The following DAB2IP variants were observed in gnomAD, a reference collection of about 807,000 sequenced individuals.
DAB2IP encodes the protein disabled homolog 2-interacting protein.
A neutral mutation model predicts 107.2 loss-of-function variants in DAB2IP; 28 were observed. The ratio of observed to expected loss-of-function variants is 0.26; its 90% CI spans 0.19 to 0.36. The LOEUF (loss-of-function observed/expected upper bound fraction) is 0.36. Ranked by LOEUF, DAB2IP falls within the 10% of genes least tolerant of loss-of-function variation. DAB2IP has a pLI of 1.00. For missense variants in DAB2IP, 1,400 were observed against 1,644.7 expected, an observed-to-expected ratio of 0.85 and a Z score of 2.57; for synonymous variants, 755 against 706.4, an observed-to-expected ratio of 1.07 and a Z score of -1.09.
At chr9:121,591,465 G>A (rs1427417345) in intron 1 of DAB2IP, among the ~76,000 whole-genome samples, 1 of 152,158 alleles carries the variant, frequency 6.6e-6, no homozygotes, top group African/African-American at 2.4e-5. Context: ...GTGAGACTCT[G>A]TTCTCCTGCC....
At chr9:121,655,280 G>A (rs780103383) in intron 1 of DAB2IP, among the ~76,000 whole-genome samples, 19 of 152,152 alleles carry the variant, frequency 1.2e-4, no homozygotes, top group Non-Finnish European at 2.1e-4. Context: ...GGTATCATCA[G>A]CAAGGTGCCT....
chr9:121,711,015 G>A (rs1830313617), intron 3 of DAB2IP, among the ~76,000 whole-genome samples: 1 of 152,176 alleles, frequency 6.6e-6, no homozygotes, highest in Admixed American at 6.5e-5. Flanking sequence ...CGAATTTGAT[G>A]GTTGTTTATG....
chr9:121,725,164 C>CGCGCGTGTGTATGTGTGTGT (rs1219469627), intron 3 of DAB2IP, among the ~76,000 whole-genome samples: 2 of 152,058 alleles, frequency 1.3e-5, no homozygotes, highest in Non-Finnish European at 2.9e-5. Context: ...AGTGTGTGTG[C>CGCGCGTGTGTATGTGTGTGT]GCGCGTGTGT....
At chr9:121,644,205 A>G (rs201622035) in intron 1 of DAB2IP, among the ~76,000 whole-genome samples, 1 of 149,596 alleles carries the variant, frequency 6.7e-6, no homozygotes, top group African/African-American at 2.5e-5. Context: ...AAGAAGAGGA[A>G]GAAGAGGAAG....
chr9:121,764,708 C>T (rs977002374), intron 8 of DAB2IP, among the ~76,000 whole-genome samples: 1 of 152,200 alleles, frequency 6.6e-6, no homozygotes, highest in Admixed American at 6.5e-5. Flanking sequence ...CCTCCGTCCA[C>T]AGCCTGTTCT....
At chr9:121,663,612 G>A (rs1833296511) in intron 1 of DAB2IP, among the ~76,000 whole-genome samples, 2 of 152,194 alleles carry the variant, frequency 1.3e-5, no homozygotes, top group African/African-American at 2.4e-5. Context: ...ATTGGAACTC[G>A]ATCCCAGTTC....
intron 1 of DAB2IP, among the ~76,000 whole-genome samples, chr9:121,577,546 T>C (rs1830093883): frequency 6.6e-6 from 1 of 152,170 alleles, no homozygotes; most frequent in Non-Finnish European, 1.5e-5. Flanking sequence ...ACACTCCTGC[T>C]CTGGGGTTCC....
chr9:121,772,810 C>T lies in DAB2IP; in HGVS notation c.2282C>T (p.Ala761Val). 6.2e-7 allele frequency: 1 copy of T among 1,610,518 alleles called. No homozygotes were observed. The highest frequency in any genetic ancestry group is 8.5e-7 in the Non-Finnish European group (1 of 1,179,074). ...GACGCCCGCACGCTGGATGGGGAGG[C>T]AGGCTCCCCGGCGGGCCCCGACGTC... is the stretch of plus-strand genomic sequence containing the variant. Residue 761 changes from alanine (A) to valine (V), a missense_variant, in exon 12 of 16, where the codon GCA (alanine) becomes GTA (valine). Coordinates refer to ENST00000408936, the Ensembl canonical transcript of DAB2IP. This position sits in a 1 kb window ranked among gnomAD's most constrained non-coding sequence, Gnocchi z 4.7.
At chr9:121,717,270 C>CCTG (rs1434089088) in intron 3 of DAB2IP, among the ~76,000 whole-genome samples, 1 of 152,196 alleles carries the variant, frequency 6.6e-6, no homozygotes, top group African/African-American at 2.4e-5. Context: ...TAAGAGTTGG[C>CCTG]CTGCTGCTTA....
intron 14 of DAB2IP, among the ~76,000 whole-genome samples, chr9:121,778,425 G>A (rs184279699): frequency 1.4e-4 from 21 of 152,220 alleles, no homozygotes; most frequent in Admixed American, 3.9e-4. Context: ...TCTTGCTTTC[G>A]TCTAAATGGT....
chr9:121,781,381 C>T (rs537553318), intron 14 of DAB2IP, 83 bp from the exon 15 acceptor site: 66 of 1,322,324 alleles, frequency 5.0e-5, no homozygotes, highest in Admixed American at 1.0e-4. Flanking sequence ...CTGCTGTGTG[C>T]GGGGGTGATG....
intron 3 of DAB2IP, among the ~76,000 whole-genome samples, chr9:121,708,266 A>G (rs1830157269): frequency 6.6e-6 from 1 of 152,198 alleles, no homozygotes; most frequent in Non-Finnish European, 1.5e-5. Flanking sequence ...TGAGTGGCCC[A>G]AAGTCACACA....
At chr9:121,733,386 T>C (rs185709093) in intron 3 of DAB2IP, among the ~76,000 whole-genome samples, 26 of 152,360 alleles carry the variant, frequency 1.7e-4, no homozygotes, top group African/African-American at 6.0e-4. Context: ...GCCCAGACTC[T>C]CTTGTCATTC....
chr9:121,578,475 C>T (rs1046285308), intron 1 of DAB2IP, among the ~76,000 whole-genome samples: 2 of 151,856 alleles, frequency 1.3e-5, no homozygotes, highest in Admixed American at 6.6e-5. Context: ...AAGTGAGGCT[C>T]GAGCCCCCGA....
At chr9:121,665,852 T>A (rs181753048) in intron 1 of DAB2IP, among the ~76,000 whole-genome samples, 1 of 152,344 alleles carries the variant, frequency 6.6e-6, no homozygotes, top group Non-Finnish European at 1.5e-5. Context: ...AATTCCATAG[T>A]CCTGAATCAG....
At chr9:121,747,575 C>G (rs961218420) in intron 3 of DAB2IP, among the ~76,000 whole-genome samples, 10 of 152,072 alleles carry the variant, frequency 6.6e-5, no homozygotes, top group African/African-American at 2.4e-4. Flanking sequence ...TCTCGATCTC[C>G]TGACCTCATG....
rs545387605 is a variant in DAB2IP, at chr9:121,698,879, G to A, written c.229-446G>A. 4.6e-5 allele frequency among the ~76,000 whole-genome samples: 7 copies of A among 152,224 alleles called. No homozygotes were observed. In the South Asian group the frequency reaches 1.4e-3, roughly 32 times the overall value. ...GGATTCCTCCAGGTGGGTGTGGGGG[G>A]TGTGACCTCGCACGGGGAGGACAAG... On this transcript the variant is annotated intron_variant, in intron 2 of 15. Coordinates refer to ENST00000408936, the Ensembl canonical transcript of DAB2IP. This position sits in a 1 kb window ranked among gnomAD's most constrained non-coding sequence, Gnocchi z 4.1.
intron 2 of DAB2IP, among the ~76,000 whole-genome samples, chr9:121,682,476 C>T (rs904603112): frequency 6.6e-6 from 1 of 152,198 alleles, no homozygotes; most frequent in South Asian, 2.1e-4. Flanking sequence ...CAGAGGTCAC[C>T]ACCCAGCTGA....
intron 3 of DAB2IP, among the ~76,000 whole-genome samples, chr9:121,745,656 G>A (rs1199368029): frequency 7.4e-6 from 1 of 135,882 alleles, no homozygotes; most frequent in Non-Finnish European, 1.6e-5. Flanking sequence ...TGGGGGGTGG[G>A]GTGCCTTAGC....
Sources: gnomAD v4.1 joint callset for allele counts (sites outside exome capture counted in the v4.1 genomes callset) on GRCh38, gnomAD v4.1.1 for gene constraint, Gnocchi (gnomAD v3.1) non-coding constraint, MANE v1.5 for transcripts, NCBI Gene and HGNC (gene_info 2026-07-23, HGNC 2026-07-21) for gene names.